The following SLC8A1 variants were observed in gnomAD, a reference collection of about 807,000 sequenced individuals.
SLC8A1 encodes sodium/calcium exchanger 1.
Under a neutral mutation model 68.3 loss-of-function variants are expected in SLC8A1, and 18 were observed. The observed-to-expected ratio is 0.26, with a 90% CI of 0.18 to 0.39. The LOEUF is 0.39. Among genes scored for constraint, SLC8A1 ranks in the 10% least tolerant of loss-of-function variants. SLC8A1 has a pLI of 1.00. For missense variants in SLC8A1, 985 were observed against 1,156.7 expected (o/e 0.85, Z 2.15); for synonymous variants, 475 against 415.5 (o/e 1.14, Z -1.74).
chr2:40,376,928 G>A (rs967033253), intron 2 of SLC8A1, among the ~76,000 whole-genome samples: 2 of 152,010 alleles, frequency 1.3e-5, no homozygotes, highest in African/African-American at 4.8e-5. Context: ...AGAATTCTAA[G>A]ATGACCCCCA....
At chr2:40,294,968 T>C (rs2070072731) in intron 2 of SLC8A1, among the ~76,000 whole-genome samples, 1 of 152,192 alleles carries the variant, frequency 6.6e-6, no homozygotes, top group Admixed American at 6.5e-5. Context: ...AAAAAAGTTA[T>C]ACTATGTTAA....
At chr2:40,474,578 T>C (rs1449440043) in intron 1 of SLC8A1, among the ~76,000 whole-genome samples, 1 of 152,218 alleles carries the variant, frequency 6.6e-6, no homozygotes, top group Non-Finnish European at 1.5e-5. Flanking sequence ...GTGGTAACAG[T>C]AGCTAACAAT....
At chr2:40,494,115 G>GTAA (rs1359020651) in intron 1 of SLC8A1, among the ~76,000 whole-genome samples, 2 of 151,232 alleles carry the variant, frequency 1.3e-5, no homozygotes. Context: ...CCTGCATTTT[G>GTAA]TAATAATAAT....
chr2:40,450,478 T>C (rs1576583076), intron 1 of SLC8A1, among the ~76,000 whole-genome samples: 1 of 152,106 alleles, frequency 6.6e-6, no homozygotes, highest in Non-Finnish European at 1.5e-5. Context: ...TCTCAGATTG[T>C]GCATGTTCAA....
At chr2:40,389,866 T>C (rs566870700) in intron 2 of SLC8A1, among the ~76,000 whole-genome samples, 1 of 130,870 alleles carries the variant, frequency 7.6e-6, no homozygotes, top group Non-Finnish European at 1.5e-5. Context: ...AGAAAATCAA[T>C]GTTATAATCA....
chr2:40,175,841 T>A (rs2048372557), intron 3 of SLC8A1: 1 of 315,358 alleles, frequency 3.2e-6, no homozygotes. Flanking sequence ...TAAAGCACTA[T>A]CTTGGGATGT....
At chr2:40,103,518 C>A (rs2034021851) in exon 8 of SLC8A1, 1 of 152,146 alleles carries the variant, frequency 6.6e-6, no homozygotes, top group Admixed American at 6.5e-5. Flanking sequence ...GGTCATTGCA[C>A]ATCCTGTTTG....
At chr2:40,419,769 C>T (rs908635064) in intron 2 of SLC8A1, among the ~76,000 whole-genome samples, 1 of 152,014 alleles carries the variant, frequency 6.6e-6, no homozygotes, top group Non-Finnish European at 1.5e-5. Flanking sequence ...CTTAATTTTG[C>T]GTTCCCACTT....
intron 7 of SLC8A1, among the ~76,000 whole-genome samples, chr2:40,126,437 G>T (rs930331522): frequency 1.3e-5 from 2 of 152,172 alleles, no homozygotes; most frequent in African/African-American, 2.4e-5. Context: ...AGAATGGAGG[G>T]TCTGTGGGAG....
chr2:40,148,354 G>A (rs957208465), intron 6 of SLC8A1, among the ~76,000 whole-genome samples: 1 of 152,188 alleles, frequency 6.6e-6, no homozygotes, highest in Non-Finnish European at 1.5e-5. Context: ...GCAGCAAATG[G>A]AAAGGACGCT....
At chr2:40,158,718 T>G (rs1032987668) in intron 6 of SLC8A1, among the ~76,000 whole-genome samples, 3 of 152,152 alleles carry the variant, frequency 2.0e-5, no homozygotes, top group Non-Finnish European at 4.4e-5. Flanking sequence ...TGGACCAGTC[T>G]TCATTAGATA....
intron 2 of SLC8A1, among the ~76,000 whole-genome samples, chr2:40,375,018 C>T (rs923223749): frequency 2.6e-5 from 4 of 152,046 alleles, no homozygotes; most frequent in Non-Finnish European, 4.4e-5. Context: ...ATGGAGAGCT[C>T]TCTACCTCTG....
chr2:40,435,483 C>T (rs1409583874), intron 1 of SLC8A1, among the ~76,000 whole-genome samples: 5 of 152,148 alleles, frequency 3.3e-5, no homozygotes, highest in African/African-American at 4.8e-5. Context: ...AAAGTTTCCT[C>T]TCTGCTGTTT....
intron 2 of SLC8A1, among the ~76,000 whole-genome samples, chr2:40,318,794 G>C (rs556454120): frequency 1.8e-4 from 27 of 152,186 alleles, no homozygotes; most frequent in African/African-American, 6.3e-4. Flanking sequence ...TCTATCAGAC[G>C]AAAGCCTACC....
chr2:40,497,083 A>T (rs1271707612), intron 1 of SLC8A1, among the ~76,000 whole-genome samples: 1 of 152,126 alleles, frequency 6.6e-6, no homozygotes. Flanking sequence ...ATAAAAAAAA[A>T]ATCTGTTTAG....
chr2:40,322,501 TAAA>T lies in SLC8A1; in HGVS notation c.1808+105969_1808+105971del, dbSNP rs10708563. 4.1e-3 allele frequency among the ~76,000 whole-genome samples: 402 copies of T among 97,304 alleles called. 3 individuals carry two copies. Among genetic ancestry groups the T allele is most frequent in the African/African-American group, 0.013 (341 of 26,110 alleles). 63.8% of individuals were successfully genotyped at this position (97,304 alleles called of 152,430 possible). On this transcript the variant is annotated intron_variant, in intron 2 of 7. Transcript: ENST00000406785. ...GAGAGACCTCATCTCTACAAAAGGT[TAAA>T]AAAAAAAAAAAAAAAAAAAAAATTA...
intron 2 of SLC8A1, among the ~76,000 whole-genome samples, chr2:40,257,715 G>T (rs2064136975): frequency 6.6e-6 from 1 of 152,144 alleles, no homozygotes; most frequent in African/African-American, 2.4e-5. Flanking sequence ...CATAAAGCAA[G>T]TGATTTCTCT....
intron 7 of SLC8A1, chr2:40,123,321 A>G (rs980784385): frequency 1.3e-5 from 2 of 152,272 alleles, no homozygotes; most frequent in Non-Finnish European, 2.9e-5. Flanking sequence ...ATTATTCCAT[A>G]TAGAAACATC....
chr2:40,339,774 C>T (rs150813438), intron 2 of SLC8A1, among the ~76,000 whole-genome samples: 2 of 152,186 alleles, frequency 1.3e-5, no homozygotes, highest in East Asian at 1.9e-4. Flanking sequence ...ATTTCTAAGA[C>T]GTATCTAAAT....
Sources: gnomAD v4.1 joint callset for allele counts (sites outside exome capture counted in the v4.1 genomes callset) on GRCh38, gnomAD v4.1.1 for gene constraint, MANE v1.5 for transcripts, NCBI Gene and HGNC (gene_info 2026-07-23, HGNC 2026-07-21) for gene names.